The following RGS7 variants were observed in gnomAD, a reference collection of about 807,000 sequenced individuals.
RGS7 encodes the protein regulator of G protein signaling 7.
In RGS7, 27 loss-of-function variants were observed where a neutral mutation model predicts 81.1. That is an observed-to-expected ratio of 0.33 (90% CI 0.25 to 0.46). The LOEUF (loss-of-function observed/expected upper bound fraction) is 0.46. RGS7 is among the 20% of genes least tolerant of loss of function. RGS7 has a pLI of 1.00. For missense variants in RGS7, 396 were observed against 607.4 expected (o/e 0.65, Z 3.66); for synonymous variants, 208 against 207.7 (o/e 1.00, Z -0.01).
intron 2 of RGS7, among the ~76,000 whole-genome samples, chr1:241,208,756 G>A (rs1364076369): frequency 6.6e-6 from 1 of 152,088 alleles, no homozygotes; most frequent in Non-Finnish European, 1.5e-5. Context: ...ATTTGCCGAC[G>A]TGGTCTGGCA....
chr1:241,160,125 A>AAAAAAAAAAAAAAG, intron 2 of RGS7, among the ~76,000 whole-genome samples: 1 of 141,350 alleles, frequency 7.1e-6, no homozygotes, highest in Non-Finnish European at 1.5e-5. Context: ...AAAAAAAAAA[A>AAAAAAAAAAAAAAG]AAAAAGAAAA....
chr1:241,135,438 C>A (rs534563784), intron 2 of RGS7, among the ~76,000 whole-genome samples: 43 of 151,900 alleles, frequency 2.8e-4, no homozygotes, highest in Non-Finnish European at 4.0e-4. Flanking sequence ...ACAACAACAA[C>A]AAAAAACAAA....
At chr1:240,909,724 A>T (rs1424279949) in intron 6 of RGS7, among the ~76,000 whole-genome samples, 1 of 152,216 alleles carries the variant, frequency 6.6e-6, no homozygotes, top group African/African-American at 2.4e-5. Context: ...ACACAAATGC[A>T]TTTAAGAATA....
chr1:241,126,448 C>T (rs2066667530), intron 2 of RGS7, among the ~76,000 whole-genome samples: 1 of 152,134 alleles, frequency 6.6e-6, no homozygotes, highest in Non-Finnish European at 1.5e-5. Context: ...AGTGCCTGGC[C>T]CCATTTATAT....
At chr1:240,812,437 CTT>C (rs71172652) in intron 13 of RGS7, among the ~76,000 whole-genome samples, 14 of 137,624 alleles carry the variant, frequency 1.0e-4, no homozygotes, top group Admixed American at 1.5e-4. Flanking sequence ...TTTCTTTTTT[CTT>C]TTTTTTTTTT....
rs1685729707 is a variant in RGS7 at position 240,986,739 on chromosome 1, C to T, written c.176-3610G>A. 9.9e-5 allele frequency among the ~76,000 whole-genome samples: 2 copies of T among 20,112 alleles called. 1 individual carries two copies. The highest frequency in any genetic ancestry group is 1.0e-3 in the Admixed American group (2 of 1,980). The allele number at this position is 20,112 out of a possible 152,430, so 13.2% of individuals were successfully genotyped here. ...CTGGGACTACAGGCGCCCGCCACCT[C>T]GCCCGGCTAATTTTTTGTATTTTTA... On this transcript the variant is annotated intron_variant, in intron 3 of 18. Coordinates refer to ENST00000440928, the MANE Select transcript of RGS7 (RefSeq NM_001364886.1).
At chr1:241,287,230 T>A (rs2078856928) in intron 2 of RGS7, among the ~76,000 whole-genome samples, 1 of 152,196 alleles carries the variant, frequency 6.6e-6, no homozygotes, top group Admixed American at 6.5e-5. Context: ...GACATTTAAA[T>A]CCCTGTGATA....
At chr1:240,790,100 C>A (rs754154327) in intron 18 of RGS7, among the ~76,000 whole-genome samples, 1 of 151,978 alleles carries the variant, frequency 6.6e-6, no homozygotes, top group Non-Finnish European at 1.5e-5. Context: ...CGCCCAATAG[C>A]GCATGCCTGT....
chr1:240,840,640 A>G (rs1558335451), intron 9 of RGS7, among the ~76,000 whole-genome samples: 2 of 152,110 alleles, frequency 1.3e-5, no homozygotes, highest in Non-Finnish European at 2.9e-5. Context: ...TCCAAATACT[A>G]TGTAGTCCCT....
intron 2 of RGS7, among the ~76,000 whole-genome samples, chr1:241,219,263 G>A (rs1469275094): frequency 6.6e-6 from 1 of 152,102 alleles, no homozygotes; most frequent in Non-Finnish European, 1.5e-5. Flanking sequence ...TGTTCCTGTG[G>A]TAGTGAATAA....
intron 2 of RGS7, among the ~76,000 whole-genome samples, chr1:241,147,924 T>C (rs941941139): frequency 6.7e-6 from 1 of 148,998 alleles, no homozygotes; most frequent in Non-Finnish European, 1.5e-5. Context: ...CAAATATTAA[T>C]TGAGTGGCTA....
chr1:241,016,173 T>C (rs2059208319), intron 3 of RGS7, among the ~76,000 whole-genome samples: 1 of 152,140 alleles, frequency 6.6e-6, no homozygotes, highest in Non-Finnish European at 1.5e-5. Context: ...TTATGAAGAT[T>C]TGGAGCCTGC....
intron 6 of RGS7, among the ~76,000 whole-genome samples, chr1:240,903,718 C>T (rs1474112932): frequency 2.0e-5 from 3 of 152,166 alleles, no homozygotes; most frequent in Non-Finnish European, 4.4e-5. Context: ...GTGTTTGGGT[C>T]ATGGGTACAG....
At chr1:240,828,884 G>A (rs1693322835) in intron 9 of RGS7, among the ~76,000 whole-genome samples, 1 of 152,168 alleles carries the variant, frequency 6.6e-6, no homozygotes, top group African/African-American at 2.4e-5. Flanking sequence ...AGCATTAGAT[G>A]TCCTTAGAAG....
intron 4 of RGS7, among the ~76,000 whole-genome samples, chr1:240,944,278 GTGTGTATATA>G (rs1427886765): frequency 1.2e-3 from 24 of 20,442 alleles, no homozygotes; most frequent in East Asian, 5.7e-3. Context: ...GTGTGTGTGT[GTGTGTATATA>G]TATATATATA....
intron 3 of RGS7, among the ~76,000 whole-genome samples, chr1:241,046,000 T>C (rs116780822): frequency 0.015 from 2,202 of 145,122 alleles, 57 homozygotes; most frequent in African/African-American, 0.051. Context: ...ACCTTTGGCA[T>C]TTAGACTTTT....
At chr1:241,297,958 C>G (rs58179256) in intron 2 of RGS7, among the ~76,000 whole-genome samples, 3,671 of 152,124 alleles carry the variant, frequency 0.024, 154 homozygotes, top group African/African-American at 0.084. Flanking sequence ...ACCACTAGAT[C>G]GAAACTAAAT....
intron 2 of RGS7, among the ~76,000 whole-genome samples, chr1:241,353,153 C>T (rs2083351685): frequency 6.6e-6 from 1 of 152,190 alleles, no homozygotes; most frequent in Admixed American, 6.5e-5. Context: ...TCTAAGTCTT[C>T]GATTGACTTC....
At chr1:241,342,459 TA>T (rs1176268106) in intron 2 of RGS7, among the ~76,000 whole-genome samples, 1 of 152,228 alleles carries the variant, frequency 6.6e-6, no homozygotes, top group Non-Finnish European at 1.5e-5. Flanking sequence ...TCCATGAGAT[TA>T]TTTCAATTGC....
Sources: gnomAD v4.1 joint callset for allele counts (sites outside exome capture counted in the v4.1 genomes callset) on GRCh38, gnomAD v4.1.1 for gene constraint, MANE v1.5 for transcripts, NCBI Gene and HGNC (gene_info 2026-07-23, HGNC 2026-07-21) for gene names.